TPRG1: variants seen among roughly 807,000 people sequenced by gnomAD.
TPRG1 encodes the protein tumor protein p63 regulated 1, also known as tumor protein p63-regulated gene 1 protein.
Under a neutral mutation model 29.3 loss-of-function variants are expected in TPRG1, and 29 were observed. The observed-to-expected ratio is 0.99, with a 90% CI of 0.74 to 1.35. The LOEUF is 1.35. Among genes scored for constraint, TPRG1 ranks in the 40% most tolerant of loss-of-function variants. TPRG1 has a pLI of 0.00. For synonymous variants in TPRG1, 130 were observed against 116.8 expected (o/e 1.11, Z -0.73); for missense variants, 327 against 335.0 (o/e 0.98, Z 0.19).
intron 4 of TPRG1, among the ~76,000 whole-genome samples, chr3:189,253,532 G>T (rs898751889): frequency 1.3e-5 from 2 of 152,152 alleles, no homozygotes; most frequent in Non-Finnish European, 2.9e-5. Context: ...CCAAGTCTTT[G>T]CTATTGTAAA....
chr3:189,054,459 A>G (rs1177346445), intron 4 of TPRG1, among the ~76,000 whole-genome samples: 1 of 151,666 alleles, frequency 6.6e-6, no homozygotes, highest in Non-Finnish European at 1.5e-5. Context: ...CTAGCCTGTA[A>G]TCAATGATCT....
At chr3:189,079,875 G>C (rs971939021) in intron 4 of TPRG1, among the ~76,000 whole-genome samples, 1 of 152,158 alleles carries the variant, frequency 6.6e-6, no homozygotes, top group Non-Finnish European at 1.5e-5. Context: ...TCGTAACCAA[G>C]TACTACCTGT....
At chr3:189,287,882 T>C (rs1718336089) in intron 4 of TPRG1, among the ~76,000 whole-genome samples, 1 of 152,122 alleles carries the variant, frequency 6.6e-6, no homozygotes, top group African/African-American at 2.4e-5. Flanking sequence ...ACGTTTTAGG[T>C]GGGAATTTGC....
intron 4 of TPRG1, among the ~76,000 whole-genome samples, chr3:189,063,758 AG>A (rs1367412307): frequency 6.6e-6 from 1 of 152,216 alleles, no homozygotes; most frequent in Non-Finnish European, 1.5e-5. Context: ...ATGCATCTAA[AG>A]CAGTCCTGAG....
intron 1 of TPRG1, among the ~76,000 whole-genome samples, chr3:189,103,567 GTA>G (rs1316973413): frequency 6.6e-6 from 1 of 152,134 alleles, no homozygotes; most frequent in East Asian, 1.9e-4. Flanking sequence ...GACAGAGACT[GTA>G]TGTTTTTTAA....
intron 4 of TPRG1, among the ~76,000 whole-genome samples, chr3:189,257,786 C>G (rs1712171597): frequency 6.6e-6 from 1 of 151,852 alleles, no homozygotes; most frequent in Non-Finnish European, 1.5e-5. Context: ...CTTTCTTCTG[C>G]TCAATTTGGC....
At chr3:189,205,249 G>A (rs537603423) in intron 1 of TPRG1, among the ~76,000 whole-genome samples, 1 of 152,160 alleles carries the variant, frequency 6.6e-6, no homozygotes, top group Non-Finnish European at 1.5e-5. Context: ...GGAAAGATCG[G>A]ATAAGAAAAC....
chr3:189,115,333 G>A (rs1721043136), intron 1 of TPRG1, among the ~76,000 whole-genome samples: 1 of 152,302 alleles, frequency 6.6e-6, no homozygotes, highest in African/African-American at 2.4e-5. Context: ...TTAAGAAATA[G>A]TCCCAAGTGC....
rs141786898 is a variant in TPRG1, at chr3:189,230,030, T to C, written c.303-8703T>C. ...TTCTCCTGCCAGCTTCCTTGGCTTC[T>C]GATCAAGTGAATCCCCTCAAGTGAA... On this transcript the variant is annotated intron_variant, in intron 3 of 5. Transcript: ENST00000345063. Among the ~76,000 whole-genome samples, 179 of 152,330 alleles carry C rather than the reference T, an allele frequency of 1.2e-3. 2 individuals are homozygous for C. In the East Asian group the frequency reaches 0.025, roughly 22 times the overall value.
intron 1 of TPRG1, among the ~76,000 whole-genome samples, chr3:189,111,282 G>T (rs1328697238): frequency 2.0e-5 from 3 of 151,920 alleles, no homozygotes; most frequent in Non-Finnish European, 4.4e-5. Flanking sequence ...CAGTATAAAG[G>T]TCTTAGAGAT....
At chr3:189,167,502 T>C (rs1390618974), upstream of TPRG1, among the ~76,000 whole-genome samples, 2 of 152,088 alleles carry the variant, frequency 1.3e-5, no homozygotes, top group East Asian at 1.9e-4. Flanking sequence ...AGTGTAAGAG[T>C]AGGGGCAGGA....
At chr3:189,032,740 C>CT (rs943924558) in intron 4 of TPRG1, among the ~76,000 whole-genome samples, 2 of 109,684 alleles carry the variant, frequency 1.8e-5, no homozygotes, top group African/African-American at 7.0e-5. Flanking sequence ...AATGCTATCC[C>CT]TCCCCCCTCC....
chr3:189,002,409 T>A (rs547771374), intron 2 of TPRG1, among the ~76,000 whole-genome samples: 1 of 152,186 alleles, frequency 6.6e-6, no homozygotes, highest in Admixed American at 6.5e-5. Flanking sequence ...AAGTCTAAAT[T>A]GTGAGGCAAA....
chr3:189,304,613 T>C (rs966244906), intron 4 of TPRG1, among the ~76,000 whole-genome samples: 1 of 152,148 alleles, frequency 6.6e-6, no homozygotes, highest in Non-Finnish European at 1.5e-5. Context: ...TCTGCAAATC[T>C]TATTGTCTGA....
chr3:189,030,115 G>GT (rs1017182720), intron 4 of TPRG1, among the ~76,000 whole-genome samples: 3 of 152,210 alleles, frequency 2.0e-5, no homozygotes, highest in South Asian at 2.1e-4. Flanking sequence ...CATTTCTGAT[G>GT]TTTTTTTGTG....
intron 4 of TPRG1, among the ~76,000 whole-genome samples, chr3:189,070,283 G>T (rs1716732731): frequency 6.6e-6 from 1 of 152,080 alleles, no homozygotes. Context: ...GCAGGAGAGG[G>T]GTGAGTATCA....
intron 2 of TPRG1, among the ~76,000 whole-genome samples, chr3:189,210,628 G>T (rs867789028): frequency 1.3e-5 from 2 of 152,160 alleles, no homozygotes; most frequent in Admixed American, 6.5e-5. Context: ...AAAGTCTCTG[G>T]TGATACTGAT....
intron 4 of TPRG1, among the ~76,000 whole-genome samples, chr3:189,029,363 C>T (rs1713821876): frequency 2.0e-5 from 3 of 152,134 alleles, no homozygotes; most frequent in South Asian, 4.2e-4. Context: ...TATAGAATGT[C>T]GATGTTATAA....
chr3:189,126,489 G>T (rs979378492), intron 1 of TPRG1, among the ~76,000 whole-genome samples: 2 of 152,162 alleles, frequency 1.3e-5, no homozygotes, highest in East Asian at 3.9e-4. Context: ...TTATCCCCTG[G>T]TATGTTGTGA....
Sources: allele counts gnomAD v4.1 joint callset (sites outside exome capture counted in the v4.1 genomes callset), GRCh38; gene constraint gnomAD v4.1.1; transcripts MANE v1.5; gene names NCBI Gene and HGNC (gene_info 2026-07-23, HGNC 2026-07-21).